GTF2IRD2B: variants seen among roughly 807,000 people sequenced by gnomAD.
The protein encoded by GTF2IRD2B is GTF2I repeat domain containing 2B.
A neutral mutation model predicts 55.6 loss-of-function variants in GTF2IRD2B; 10 were observed. The ratio of observed to expected loss-of-function variants is 0.18; its 90% confidence interval spans 0.11 to 0.31. GTF2IRD2B has a LOEUF of 0.31. Ranked by LOEUF, GTF2IRD2B falls within the 10% of genes least tolerant of loss-of-function variation. The pLI is 1.00. For missense variants in GTF2IRD2B, 206 were observed against 802.7 expected (o/e 0.26, Z 8.98); for synonymous variants, 107 against 320.5 (o/e 0.33, Z 7.12).
intron 1 of GTF2IRD2B, among the ~76,000 whole-genome samples, chr7:75,101,732 C>T (rs1400927037): frequency 1.3e-5 from 2 of 149,020 alleles, no homozygotes; most frequent in Non-Finnish European, 3.0e-5. Flanking sequence ...ATCTCTACTA[C>T]AAATACAAAA....
At chr7:75,133,086 G>C (rs1808718821) in intron 8 of GTF2IRD2B, 49 bp from the exon 9 acceptor site, 1 of 410,356 alleles carries the variant, frequency 2.4e-6, no homozygotes, top group Admixed American at 4.4e-5. Flanking sequence ...TTTCTTTGTT[G>C]GCAAACTTAA....
intron 1 of GTF2IRD2B, among the ~76,000 whole-genome samples, chr7:75,105,416 A>G (rs1807758749): frequency 1.3e-5 from 2 of 152,308 alleles, no homozygotes; most frequent in Non-Finnish European, 2.9e-5. Flanking sequence ...AGGCAGGAGA[A>G]TCGCTCGAAC....
intron 3 of GTF2IRD2B, among the ~76,000 whole-genome samples, chr7:75,113,880 G>T (rs1233662765): frequency 6.7e-6 from 1 of 148,306 alleles, no homozygotes. Flanking sequence ...GTGTGTGTGT[G>T]TGTCTGTGTG....
intron 6 of GTF2IRD2B, chr7:75,123,771 G>C: frequency 4.0e-6 from 2 of 501,196 alleles, no homozygotes; most frequent in African/African-American, 3.8e-5. Flanking sequence ...CCAGCTACTC[G>C]GGAGTCTGAG....
At position 75,149,134 on chromosome 7, in the gene GTF2IRD2B, G is replaced by A; in HGVS notation, c.2687G>A (p.Gly896Asp). The A allele has an allele frequency of 1.5e-6, 1 of 669,130 alleles. No homozygotes were observed. The highest frequency in any genetic ancestry group is 2.7e-6 in the Non-Finnish European group (1 of 365,464). 41.4% of individuals were successfully genotyped at this position (669,130 alleles called of 1,614,324 possible). A position where few individuals can be genotyped will look rare whatever the true frequency, so the allele number is the denominator to read the frequency against. ...GIPEFYKYLW[G>D]SYPKYKHHCA... ...CCAGAATTCTACAAGTACCTCTGGG[G>A]TAGCTACCCGAAATACAAGCACCAT... Residue 896 changes from glycine to aspartate, a missense_variant, in exon 16 of 16, where the codon GGT becomes GAT. Transcript: ENST00000472837.
intron 8 of GTF2IRD2B, among the ~76,000 whole-genome samples, chr7:75,132,437 A>G (rs1230217869): frequency 4.9e-5 from 7 of 143,384 alleles, no homozygotes; most frequent in Non-Finnish European, 9.0e-5. Context: ...ATGTAAATGC[A>G]CGTGGATATT....
At chr7:75,114,340 T>G (rs1808071766) in intron 3 of GTF2IRD2B, among the ~76,000 whole-genome samples, 1 of 151,598 alleles carries the variant, frequency 6.6e-6, no homozygotes, top group Admixed American at 6.6e-5. Flanking sequence ...AGATTCATAG[T>G]TGCATGTTAA....
Position 75,149,424 on chromosome 7 carries a change from A to G in GTF2IRD2B, c.*127A>G, listed in dbSNP as rs1416874336. The G allele has an allele frequency of 2.2e-5, 16 of 717,108 alleles. No homozygotes were observed. The highest frequency in any genetic ancestry group is 1.0e-4 in the Admixed American group (5 of 49,088). 44.4% of individuals were successfully genotyped at this position (717,108 alleles called of 1,614,324 possible). A position where few individuals can be genotyped will look rare whatever the true frequency, so the allele number is the denominator to read the frequency against. On this transcript the variant is annotated 3_prime_UTR_variant, in exon 16 of 16. Transcript: ENST00000472837. ...GAGATGGAGTCTTGCTCTGTCGCCC[A>G]GGTTGGAGTGCAGTGGCGTGATCTC...
chr7:75,123,005 T>C (rs1808429906), intron 4 of GTF2IRD2B, 131 bp from the exon 5 acceptor site: 9 of 1,465,244 alleles, frequency 6.1e-6, no homozygotes, highest in African/African-American at 2.9e-5. Flanking sequence ...AGCCGAGATC[T>C]TGCCATTGCA....
chr7:75,102,801 C>T (rs1807620178), intron 1 of GTF2IRD2B, among the ~76,000 whole-genome samples: 1 of 151,050 alleles, frequency 6.6e-6, no homozygotes, highest in Non-Finnish European at 1.5e-5. Flanking sequence ...CTACTAAAAA[C>T]ACAAAAAATT....
chr7:75,122,943 G>A (rs1410856109), intron 4 of GTF2IRD2B, among the ~76,000 whole-genome samples, 193 bp from the exon 5 acceptor site: 1 of 148,914 alleles, frequency 6.7e-6, no homozygotes, highest in Non-Finnish European at 1.5e-5. Flanking sequence ...CCAGCTACTC[G>A]GGAGGCTGAG....
intron 15 of GTF2IRD2B, among the ~76,000 whole-genome samples, chr7:75,145,720 A>C (rs1378123252): frequency 1.7e-5 from 2 of 118,980 alleles, no homozygotes; most frequent in Non-Finnish European, 3.6e-5. Flanking sequence ...TGACAGAGCA[A>C]GACTCTGTCT....
At chr7:75,127,492 AGAGAG>A (rs1280351833) in intron 8 of GTF2IRD2B, among the ~76,000 whole-genome samples, 2 of 140,324 alleles carry the variant, frequency 1.4e-5, no homozygotes, top group African/African-American at 5.5e-5. Flanking sequence ...AAAAAAAAAA[AGAGAG>A]AGAGAGAGAG....
chr7:75,103,619 A>G (rs1807654374), intron 1 of GTF2IRD2B, among the ~76,000 whole-genome samples: 1 of 151,810 alleles, frequency 6.6e-6, no homozygotes, highest in Admixed American at 6.6e-5. Context: ...TGAACTTCTG[A>G]TGTGACCCGG....
chr7:75,138,583 C>T (rs1808922452), intron 11 of GTF2IRD2B, among the ~76,000 whole-genome samples: 1 of 124,360 alleles, frequency 8.0e-6, no homozygotes, highest in Non-Finnish European at 1.7e-5. Flanking sequence ...ACGAGAATCA[C>T]TTGAACCTGG....
intron 9 of GTF2IRD2B, 123 bp from the exon 10 acceptor site, chr7:75,134,878 A>G: frequency 6.8e-7 from 1 of 1,462,848 alleles, no homozygotes; most frequent in Non-Finnish European, 9.2e-7. Context: ...GTTTTATTTC[A>G]AGGGGTAGAA....
At chr7:75,116,981 CA>C (rs1808179938) in intron 3 of GTF2IRD2B, among the ~76,000 whole-genome samples, 1 of 150,470 alleles carries the variant, frequency 6.6e-6, no homozygotes, top group South Asian at 2.1e-4. Context: ...ATCAGTCTTT[CA>C]TTGTTGAGTG....
At chr7:75,107,358 G>A (rs1270316013) in intron 1 of GTF2IRD2B, among the ~76,000 whole-genome samples, 3 of 151,548 alleles carry the variant, frequency 2.0e-5, no homozygotes, top group African/African-American at 4.8e-5. Flanking sequence ...GGCGGATCAC[G>A]AGGTCAGGAG....
chr7:75,148,285 T>A lies in GTF2IRD2B; in HGVS notation c.1838T>A (p.Leu613Ter). 6.2e-7 allele frequency: 1 copy of A among 1,613,622 alleles called. No homozygotes were observed. Among genetic ancestry groups the A allele is most frequent in the Non-Finnish European group, 8.5e-7 (1 of 1,179,814 alleles). Residue 613 changes from leucine to a stop codon, truncating the protein, a stop_gained, in exon 16 of 16, where the codon TTA becomes TAA. Coordinates refer to ENST00000472837, the MANE Select transcript of GTF2IRD2B (RefSeq NM_001003795.3). LOFTEE classifies it high-confidence loss of function. The part of the protein sequence containing the change: ...LKKFCINWSR[L>*]VSVASTGTPA... The stretch of plus-strand genomic sequence containing the variant: ...AAGTTCTGTATCAACTGGTCGAGAT[T>A]AGTAAGCGTGGCCTCCACTGGCACC...
Sources: allele counts gnomAD v4.1 joint callset (sites outside exome capture counted in the v4.1 genomes callset), GRCh38; gene constraint gnomAD v4.1.1; transcripts MANE v1.5; gene names NCBI Gene and HGNC (gene_info 2026-07-23, HGNC 2026-07-21).